The following PTH2R variants were observed in gnomAD, a reference collection of about 807,000 sequenced individuals.
PTH2R encodes the protein parathyroid hormone 2 receptor.
In PTH2R, 59 loss-of-function variants were observed where a neutral mutation model predicts 60.3. The observed-to-expected ratio is 0.98, with a 90% CI of 0.79 to 1.22. The LOEUF (loss-of-function observed/expected upper bound fraction) is 1.22. Ranked by LOEUF, PTH2R falls within the 50% of genes most tolerant of loss-of-function variation. The probability of loss-of-function intolerance (pLI) is 0.00; values close to 1 mark genes in which losing one functional copy is unlikely to be tolerated. For missense variants in PTH2R, 749 were observed against 682.6 expected (o/e 1.10, Z -1.08); for synonymous variants, 256 against 243.8 (o/e 1.05, Z -0.47).
At chr2:208,360,892 A>T in intron 1 of PTH2R, 1 of 202,808 alleles carries the variant, frequency 4.9e-6, no homozygotes, top group Non-Finnish European at 1.0e-5. Context: ...TCCTCCACGC[A>T]CTTGATGTAT....
At position 208,444,758 on chromosome 2, in the gene PTH2R, A is replaced by T. The variant is rs747487714; in HGVS notation, c.724A>T (p.Met242Leu). The T allele has an allele frequency of 1.4e-5, 23 of 1,613,670 alleles. No homozygotes were observed. Among genetic ancestry groups the T allele is most frequent in the Admixed American group, 1.3e-4 (8 of 59,954 alleles). ...GATCGGGTGCAAGATTGCTGTTGTG[A>T]TGTTTATTTACTTCCTGGCTACAAA... ...QYIGCKIAVV[M>L]FIYFLATNYY... Residue 242 changes from methionine (M) to leucine (L), a missense_variant, in exon 7 of 13, where the codon ATG becomes TTG. Transcript: ENST00000272847.
chr2:208,444,970 C>A, intron 7 of PTH2R, 83 bp downstream of exon 7: 1 of 1,379,928 alleles, frequency 7.2e-7, no homozygotes, highest in Admixed American at 2.3e-5. Flanking sequence ...AGCATCCCTA[C>A]AGCCATTTTC....
rs1241123088 is a variant in PTH2R at position 208,442,355 on chromosome 2, C to T, written c.412-9C>T. On this transcript the variant is annotated splice_polypyrimidine_tract_variant and intron_variant, in intron 4 of 12. Transcript: ENST00000272847. ...CCCATATCATACATGAGCATCTCTT[C>T]CCTTGCAGCAAGAATTCTTTGAACG... 6.3e-7 allele frequency: 1 copy of T among 1,587,788 alleles called. No homozygotes were observed. Among genetic ancestry groups the T allele is most frequent in the South Asian group, 1.1e-5 (1 of 90,406 alleles).
At chr2:208,427,026 C>T (rs1221566529) in intron 1 of PTH2R, among the ~76,000 whole-genome samples, 6 of 152,074 alleles carry the variant, frequency 3.9e-5, no homozygotes, top group South Asian at 2.1e-4. Flanking sequence ...AAAAAGGCTG[C>T]GTGTACACAG....
chr2:208,416,091 G>C (rs73983779), intron 1 of PTH2R, among the ~76,000 whole-genome samples: 5,039 of 152,206 alleles, frequency 0.033, 84 homozygotes, highest in Middle Eastern at 0.058. Flanking sequence ...TTAATCAGTT[G>C]TTTATCTGAG....
intron 1 of PTH2R, among the ~76,000 whole-genome samples, chr2:208,407,903 C>T (rs1302005353): frequency 6.6e-6 from 1 of 152,108 alleles, no homozygotes; most frequent in Admixed American, 6.5e-5. Context: ...AGGGGGTGCA[C>T]CTAGACCGTC....
intron 1 of PTH2R, among the ~76,000 whole-genome samples, chr2:208,410,362 T>C (rs1308854906): frequency 1.3e-5 from 2 of 152,216 alleles, no homozygotes; most frequent in African/African-American, 2.4e-5. Flanking sequence ...ATTTATACTC[T>C]GACTTTTACC....
chr2:208,493,603 A>G lies in PTH2R; in HGVS notation c.1597A>G (p.Met533Val), dbSNP rs150327079. Residue 533 changes from methionine to valine, a missense_variant, in exon 13 of 13, where the codon ATG (methionine) becomes GTG (valine). Physicochemically the swap from Met to Val is conservative, Grantham distance 21 (BLOSUM62 1). Coordinates refer to ENST00000272847, the MANE Select transcript of PTH2R (RefSeq NM_005048.4). ...TCTAATGGAGAAGCCTTCCAGGCCTATGGAATCTAACCCAGACACTGAAGG... is the reference window on the plus strand; with the variant it reads ...TCTAATGGAGAAGCCTTCCAGGCCTGTGGAATCTAACCCAGACACTGAAGG... Reference protein sequence around the residue: ...DILMEKPSRPMESNPDTEGCQ... With the variant: ...DILMEKPSRPVESNPDTEGCQ... 14 of 1,601,320 alleles carry G rather than the reference A, an allele frequency of 8.7e-6. No homozygotes were observed. Among genetic ancestry groups the G allele is most frequent in the Admixed American group, 5.1e-5 (3 of 59,194 alleles).
intron 9 of PTH2R, among the ~76,000 whole-genome samples, chr2:208,471,729 A>C (rs959753748): frequency 9.2e-5 from 14 of 152,198 alleles, no homozygotes; most frequent in African/African-American, 3.1e-4. Context: ...TGCCTAGTGG[A>C]GCTGTGAGAA....
chr2:208,491,554 G>T (rs1703403949), intron 12 of PTH2R, among the ~76,000 whole-genome samples: 1 of 152,146 alleles, frequency 6.6e-6, no homozygotes, highest in South Asian at 2.1e-4. Context: ...TTCAGGGTGG[G>T]AGAGCTTATC....
chr2:208,470,923 C>T lies in PTH2R; in HGVS notation c.982-10147C>T, dbSNP rs556086814. Among the ~76,000 whole-genome samples the T allele has an allele frequency of 2.6e-5, 4 of 152,098 alleles. No individual in the cohort carries two copies. The South Asian group carries it at 6.2e-4, about 24-fold the overall frequency. On this transcript the variant is annotated intron_variant, in intron 9 of 12. Coordinates refer to ENST00000272847, the MANE Select transcript of PTH2R (RefSeq NM_005048.4). The stretch of plus-strand genomic sequence containing the variant: ...AATGAAATCCAGGCTAAGGTGGTCT[C>T]GGATAGAGGTGAGGAACTTTTTGGG...
At chr2:208,430,723 A>G (rs1402115096) in intron 2 of PTH2R, among the ~76,000 whole-genome samples, 1 of 151,208 alleles carries the variant, frequency 6.6e-6, no homozygotes, top group Non-Finnish European at 1.5e-5. Context: ...ATTTTTTTGT[A>G]TTTTTTGTTT....
At chr2:208,385,407 A>C (rs917042577) in intron 1 of PTH2R, among the ~76,000 whole-genome samples, 6 of 151,956 alleles carry the variant, frequency 3.9e-5, no homozygotes, top group Admixed American at 3.3e-4. Flanking sequence ...TTATTATGTA[A>C]ATTTTATGGA....
At chr2:208,427,918 T>C (rs969022203) in intron 1 of PTH2R, among the ~76,000 whole-genome samples, 1 of 150,300 alleles carries the variant, frequency 6.7e-6, no homozygotes, top group Admixed American at 7.0e-5. Context: ...ATAATATCTC[T>C]TTTTTTTGTA....
chr2:208,459,116 GTTA>G (rs1056941247), intron 8 of PTH2R, among the ~76,000 whole-genome samples: 9 of 152,014 alleles, frequency 5.9e-5, no homozygotes, highest in African/African-American at 2.2e-4. Context: ...ACCAGCATCT[GTTA>G]TTTCTTGACT....
intron 1 of PTH2R, among the ~76,000 whole-genome samples, chr2:208,401,098 C>T (rs1353640031): frequency 8.5e-5 from 13 of 152,156 alleles, no homozygotes; most frequent in Admixed American, 8.5e-4. Flanking sequence ...TAGGATTATG[C>T]CATGCTCAGA....
intron 1 of PTH2R, among the ~76,000 whole-genome samples, chr2:208,398,983 G>C (rs893766429): frequency 6.6e-6 from 1 of 152,170 alleles, no homozygotes; most frequent in Non-Finnish European, 1.5e-5. Flanking sequence ...ATAAGTTTTA[G>C]ATTTAATAGA....
chr2:208,408,740 A>AGAAAGAGAGAGAGAGAGAG (rs1553542827), intron 1 of PTH2R, among the ~76,000 whole-genome samples: 6,446 of 122,482 alleles, frequency 0.053, 232 homozygotes, highest in African/African-American at 0.063. Context: ...GAGAGAGAGA[A>AGAAAGAGAGAGAGAGAGAG]AGAGAGAGAG....
At chr2:208,468,950 T>G (rs944020079) in intron 9 of PTH2R, among the ~76,000 whole-genome samples, 1 of 152,178 alleles carries the variant, frequency 6.6e-6, no homozygotes. Flanking sequence ...CATGGGGAAC[T>G]GGGAAGAGGA....
Sources: allele counts gnomAD v4.1 joint callset (sites outside exome capture counted in the v4.1 genomes callset), GRCh38; gene constraint gnomAD v4.1.1; transcripts MANE v1.5; gene names NCBI Gene and HGNC (gene_info 2026-07-23, HGNC 2026-07-21).